The following TEKT5 variants were observed in gnomAD, a reference collection of about 807,000 sequenced individuals.
The protein encoded by TEKT5 is tektin 5.
A neutral mutation model predicts 48.7 loss-of-function variants in TEKT5; 52 were observed. The observed-to-expected ratio is 1.07, with a 90% confidence interval of 0.86 to 1.35. TEKT5 has a LOEUF of 1.35. Among genes scored for constraint, TEKT5 ranks in the 40% most tolerant of loss-of-function variants. The probability of loss-of-function intolerance (pLI) is 0.00; values close to 1 mark genes in which losing one functional copy is unlikely to be tolerated. For synonymous variants in TEKT5, 318 were observed against 267.6 expected, an observed-to-expected ratio of 1.19 and a Z score of -1.84; for missense variants, 831 against 641.6, an observed-to-expected ratio of 1.30 and a Z score of -3.19.
rs1899050319 is a variant in TEKT5 at position 10,694,672 on chromosome 16, T to G, written c.202A>C (p.Ser68Arg). 1 of 1,613,302 alleles carries G rather than the reference T, an allele frequency of 6.2e-7. No homozygotes were observed. The highest frequency in any genetic ancestry group is 1.1e-5 in the South Asian group (1 of 90,946). Residue 68 changes from serine (S) to arginine (R), a missense_variant, in exon 1 of 7, where the codon AGC becomes CGC. Transcript: ENST00000283025. ...GTGGGCGGCCGCAGGGTACTGGTGC[T>G]CTCGTCCGGGCAGGTCTGGACGTTG... Reference protein sequence around the residue: ...IANVQTCPDESTSTLRPPTIL... With the variant: ...IANVQTCPDERTSTLRPPTIL...
chr16:10,680,587 T>C (rs1596417012), intron 4 of TEKT5, among the ~76,000 whole-genome samples: 2 of 151,832 alleles, frequency 1.3e-5, no homozygotes, highest in East Asian at 1.9e-4. Context: ...AATCTCACAA[T>C]AGCAAAGACT....
chr16:10,690,676 C>T (rs1253190283), intron 1 of TEKT5: 2 of 985,314 alleles, frequency 2.0e-6, no homozygotes, highest in South Asian at 4.7e-5. Flanking sequence ...GACAACCCTG[C>T]CACCTAGCCC....
At chr16:10,682,206 G>T (rs10221071) in intron 3 of TEKT5, 70 bp from the exon 4 acceptor site, 475,733 of 1,551,614 alleles carry the variant, frequency 0.31, 74,367 homozygotes, top group African/African-American at 0.46. Context: ...CCACACAGCA[G>T]GTGTGTGTTG....
intron 3 of TEKT5, 47 bp downstream of exon 3, chr16:10,689,206 A>G (rs755224761): frequency 1.3e-6 from 2 of 1,537,662 alleles, no homozygotes; most frequent in Admixed American, 1.9e-5. Flanking sequence ...TGAGAGTCCT[A>G]AAACAAACCC....
intron 5 of TEKT5, among the ~76,000 whole-genome samples, chr16:10,674,733 C>A (rs538192552): frequency 1.3e-5 from 2 of 151,408 alleles, no homozygotes; most frequent in African/African-American, 4.9e-5. Flanking sequence ...TGTAGGTGGG[C>A]TGAAACTACC....
In TEKT5 at chr16:10,627,689, T is replaced by G. The variant is rs778426963; in HGVS notation, c.1352A>C (p.Glu451Ala). The G allele has an allele frequency of 1.2e-6, 2 of 1,614,080 alleles. No homozygotes were observed. The highest frequency in any genetic ancestry group is 1.3e-5 in the African/African-American group (1 of 74,940). The stretch of plus-strand genomic sequence containing the variant: ...GTTGGCCTTGATGGCGAGCTCGTGC[T>G]CCAGCCGGCACTTGGTCATGACCAG... ...QLLVMTKCRL[E>A]HELAIKANTL... The change falls in exon 7 of 7, where the codon GAG (glutamate) becomes GCG (alanine). Residue 451 changes from glutamate to alanine, a missense_variant. Glu to Ala is a moderately radical substitution (Grantham distance 107). Coordinates refer to ENST00000283025, the MANE Select transcript of TEKT5 (RefSeq NM_144674.2).
At chr16:10,655,754 G>A (rs933108542) in intron 5 of TEKT5, among the ~76,000 whole-genome samples, 2 of 152,138 alleles carry the variant, frequency 1.3e-5, no homozygotes, top group African/African-American at 2.4e-5. Context: ...ATGTGATGGT[G>A]GAGCTCCAGC....
chr16:10,681,874 A>G (rs766897959), intron 4 of TEKT5, 119 bp downstream of exon 4: 500 of 1,357,268 alleles, frequency 3.7e-4, no homozygotes, highest in Non-Finnish European at 4.9e-4. Flanking sequence ...ATCCCCGTTC[A>G]ACCATGCCAC....
At chr16:10,666,657 AC>A (rs1210189594) in intron 5 of TEKT5, among the ~76,000 whole-genome samples, 5 of 152,212 alleles carry the variant, frequency 3.3e-5, no homozygotes, top group African/African-American at 9.6e-5. Flanking sequence ...ACAGGAATGA[AC>A]AGCAGCCATT....
rs754791961 is a variant in TEKT5 at position 10,676,095 on chromosome 16, C to G, written c.950G>C (p.Arg317Pro). ...CTCAAAGAGGTGCTCCGCCTCCTCC[C>G]GCAGCTGGATGGAGTTGGCCCGCAT... ...QNMRANSIQLREEAEHLFETL... is the reference protein window; with the variant it reads ...QNMRANSIQLPEEAEHLFETL... Residue 317 changes from arginine (R) to proline (P), a missense_variant, in exon 5 of 7, where the codon CGG becomes CCG. Arg to Pro is a moderately radical substitution (Grantham distance 103). Transcript: ENST00000283025. The G allele has an allele frequency of 6.2e-7, 1 of 1,614,226 alleles. No individual in the cohort carries two copies. The highest frequency in any genetic ancestry group is 1.1e-5 in the South Asian group (1 of 91,084).
At chr16:10,659,774 C>T (rs774562712) in intron 5 of TEKT5, among the ~76,000 whole-genome samples, 13 of 151,974 alleles carry the variant, frequency 8.6e-5, no homozygotes, top group South Asian at 2.1e-4. Flanking sequence ...ATTAGTGTTA[C>T]GATAGCTTAA....
chr16:10,674,617 G>GAAAAAAAAAAAAAAAAAAAAAAA (rs57583870), intron 5 of TEKT5, among the ~76,000 whole-genome samples: 2 of 74,746 alleles, frequency 2.7e-5, no homozygotes, highest in Non-Finnish European at 2.4e-5. Flanking sequence ...GATCATCTCA[G>GAAAAAAAAAAAAAAAAAAAAAAA]AAAAAAAAAA....
At chr16:10,636,870 G>C (rs1250143444) in intron 5 of TEKT5, among the ~76,000 whole-genome samples, 1 of 150,768 alleles carries the variant, frequency 6.6e-6, no homozygotes, top group Admixed American at 6.6e-5. Flanking sequence ...AGGCTGGAGT[G>C]CAGTGCTGTG....
At chr16:10,666,890 A>G (rs941395066) in intron 5 of TEKT5, among the ~76,000 whole-genome samples, 2 of 151,652 alleles carry the variant, frequency 1.3e-5, no homozygotes, top group African/African-American at 4.8e-5. Context: ...GCCCATATGA[A>G]CTATCTACAC....
At chr16:10,668,142 G>C (rs1334525346) in intron 5 of TEKT5, among the ~76,000 whole-genome samples, 2 of 152,094 alleles carry the variant, frequency 1.3e-5, no homozygotes, top group Admixed American at 6.6e-5. Flanking sequence ...GCTTCCCAAA[G>C]TGCTGGGATT....
At position 10,650,234 on chromosome 16, in the gene TEKT5, G is replaced by A. The variant is rs558657768; in HGVS notation, c.1087-14316C>T. Among the ~76,000 whole-genome samples the A allele has an allele frequency of 2.0e-5, 3 of 151,858 alleles. No individual in the cohort carries two copies. The East Asian group carries it at 5.9e-4, about 30-fold the overall frequency. On this transcript the variant is annotated intron_variant, in intron 5 of 6. Transcript: ENST00000283025. ...ACAAGTAGCTGGGATTACAGTAGCT[G>A]GGATTACAGGTGTGTGCGACAAGGC...
intron 5 of TEKT5, among the ~76,000 whole-genome samples, chr16:10,658,548 A>T (rs1898302431): frequency 6.6e-6 from 1 of 152,074 alleles, no homozygotes. Flanking sequence ...GGCAAATCTA[A>T]CGGCTGGTGA....
Position 10,694,859 on chromosome 16 carries a change from C to A in TEKT5, c.15G>T (p.Gly5=). The A allele has an allele frequency of 1.9e-6, 3 of 1,559,964 alleles. No individual in the cohort carries two copies. Among genetic ancestry groups the A allele is most frequent in the South Asian group, 1.2e-5 (1 of 81,464 alleles). The change falls in exon 1 of 7, where the codon GGG becomes GGT. Residue 5 remains glycine (G), a synonymous_variant. Coordinates refer to ENST00000283025, the MANE Select transcript of TEKT5 (RefSeq NM_144674.2). MEFL[G]TTQTASYCGP... The stretch of plus-strand genomic sequence containing the variant: ...CACAGTAACTGGCGGTCTGAGTAGT[C>A]CCAAGAAACTCCATCCTCCCTCATG...
At chr16:10,665,168 A>G (rs1374133679) in intron 5 of TEKT5, among the ~76,000 whole-genome samples, 1 of 152,214 alleles carries the variant, frequency 6.6e-6, no homozygotes, top group Admixed American at 6.5e-5. Context: ...AGTAGGTCCC[A>G]TGCTAGCAAG....
Sources: gnomAD v4.1 joint callset for allele counts (sites outside exome capture counted in the v4.1 genomes callset) on GRCh38, gnomAD v4.1.1 for gene constraint, MANE v1.5 for transcripts, NCBI Gene and HGNC (gene_info 2026-07-23, HGNC 2026-07-21) for gene names.